Variants in SGCZ observed in about 807,000 individuals in gnomAD.
SGCZ encodes the protein zeta-sarcoglycan.
A neutral mutation model predicts 41.3 loss-of-function variants in SGCZ; 40 were observed. The ratio of observed to expected loss-of-function variants is 0.97; its 90% CI spans 0.75 to 1.26. SGCZ has a LOEUF of 1.26. Ranked by LOEUF, SGCZ falls within the 50% of genes most tolerant of loss-of-function variation. The pLI is 0.00. For missense variants in SGCZ, 552 were observed against 369.8 expected (o/e 1.49, Z -4.04); for synonymous variants, 206 against 137.5 (o/e 1.50, Z -3.49).
At chr8:15,007,223 A>G (rs1236574660) in intron 1 of SGCZ, among the ~76,000 whole-genome samples, 2 of 152,194 alleles carry the variant, frequency 1.3e-5, no homozygotes, top group Admixed American at 6.5e-5. Flanking sequence ...GTAACCTCCA[A>G]TACAAAAGTA....
At chr8:14,597,518 G>T in intron 1 of SGCZ, among the ~76,000 whole-genome samples, 1 of 152,240 alleles carries the variant, frequency 6.6e-6, no homozygotes, top group Non-Finnish European at 1.5e-5. Flanking sequence ...GGCCAGGCTG[G>T]AGTGCAGTGG....
intron 1 of SGCZ, among the ~76,000 whole-genome samples, chr8:14,664,908 C>T (rs969906587): frequency 1.3e-5 from 2 of 152,252 alleles, no homozygotes; most frequent in Middle Eastern, 3.4e-3. Context: ...GGCTTTGAGA[C>T]CAGGTCACCT....
chr8:14,132,509 A>G (rs891022929), intron 5 of SGCZ, among the ~76,000 whole-genome samples: 3 of 151,996 alleles, frequency 2.0e-5, no homozygotes, highest in Non-Finnish European at 4.4e-5. Flanking sequence ...TCTAAACAAT[A>G]CGTTCTGTTT....
chr8:14,236,300 C>T (rs897918877), intron 4 of SGCZ, among the ~76,000 whole-genome samples: 1 of 152,108 alleles, frequency 6.6e-6, no homozygotes, highest in Non-Finnish European at 1.5e-5. Context: ...CTAATTATCA[C>T]AAAATATTAT....
intron 5 of SGCZ, among the ~76,000 whole-genome samples, chr8:14,143,421 A>T (rs1007293557): frequency 6.6e-6 from 1 of 152,250 alleles, no homozygotes; most frequent in African/African-American, 2.4e-5. Context: ...AGAAAATCCC[A>T]AGGAATGTGA....
chr8:14,135,751 A>G (rs564456470), intron 5 of SGCZ, among the ~76,000 whole-genome samples: 15 of 152,320 alleles, frequency 9.8e-5, no homozygotes, highest in Admixed American at 2.6e-4. Context: ...CCAATTTTAC[A>G]TATCTTCCAA....
intron 1 of SGCZ, among the ~76,000 whole-genome samples, chr8:15,156,434 C>G (rs958686943): frequency 1.3e-5 from 2 of 152,180 alleles, no homozygotes; most frequent in African/African-American, 4.8e-5. Flanking sequence ...CTCATTTTAT[C>G]AGCATGGTGA....
At chr8:14,317,509 A>T (rs1216100228) in intron 3 of SGCZ, among the ~76,000 whole-genome samples, 1 of 151,868 alleles carries the variant, frequency 6.6e-6, no homozygotes, top group Non-Finnish European at 1.5e-5. Flanking sequence ...ACACCCAAAC[A>T]CCCCAAATAA....
chr8:14,598,629 A>C (rs879708336), intron 1 of SGCZ, among the ~76,000 whole-genome samples: 7 of 151,952 alleles, frequency 4.6e-5, no homozygotes, highest in Non-Finnish European at 8.8e-5. Flanking sequence ...CCCGGGCTCA[A>C]GTGATTTCCC....
chr8:14,285,073 TGATTTTTGCCTTTA>T (rs1800577693), intron 3 of SGCZ, among the ~76,000 whole-genome samples: 1 of 152,184 alleles, frequency 6.6e-6, no homozygotes, highest in African/African-American at 2.4e-5. Flanking sequence ...TTTTAAGGGT[TGATTTTTGCCTTTA>T]ATAAGGCTAA....
At chr8:14,567,798 C>T (rs951615754) in intron 1 of SGCZ, among the ~76,000 whole-genome samples, 1 of 152,118 alleles carries the variant, frequency 6.6e-6, no homozygotes, top group Non-Finnish European at 1.5e-5. Context: ...GGAATGAACA[C>T]CTCCAGACGC....
At chr8:14,573,541 C>T (rs1804623178) in intron 1 of SGCZ, among the ~76,000 whole-genome samples, 1 of 152,124 alleles carries the variant, frequency 6.6e-6, no homozygotes. Flanking sequence ...TACCTTTCTC[C>T]TCAACGAAAG....
At chr8:14,106,532 T>C (rs1028195190) in intron 6 of SGCZ, among the ~76,000 whole-genome samples, 10 of 152,206 alleles carry the variant, frequency 6.6e-5, no homozygotes, top group African/African-American at 2.4e-4. Context: ...CTGAGTTGTT[T>C]AGGAAATTTT....
At chr8:14,334,467 G>A (rs573861400) in intron 2 of SGCZ, among the ~76,000 whole-genome samples, 103 of 151,950 alleles carry the variant, frequency 6.8e-4, no homozygotes, top group Non-Finnish European at 1.3e-3. Context: ...ACTCTTAGTC[G>A]GGGCAGGTAC....
At chr8:15,034,815 G>C (rs1585495960) in intron 1 of SGCZ, among the ~76,000 whole-genome samples, 1 of 152,084 alleles carries the variant, frequency 6.6e-6, no homozygotes, top group Non-Finnish European at 1.5e-5. Flanking sequence ...TATATTTAAA[G>C]CTAAAGGACA....
At chr8:15,026,831 T>C (rs560479997) in intron 1 of SGCZ, among the ~76,000 whole-genome samples, 1 of 152,322 alleles carries the variant, frequency 6.6e-6, no homozygotes, top group Non-Finnish European at 1.5e-5. Flanking sequence ...TAGATTTCTT[T>C]TATCGTTCTA....
chr8:14,337,933 G>A (rs1459590509), intron 2 of SGCZ, among the ~76,000 whole-genome samples: 1 of 152,126 alleles, frequency 6.6e-6, no homozygotes, highest in African/African-American at 2.4e-5. Flanking sequence ...AGGTCAGAGG[G>A]ACAACCAGGG....
At chr8:14,623,496 C>G (rs994220719) in intron 1 of SGCZ, among the ~76,000 whole-genome samples, 2 of 152,018 alleles carry the variant, frequency 1.3e-5, no homozygotes, top group African/African-American at 2.4e-5. Context: ...ATTAATATAT[C>G]CCGTGAAAAG....
At chr8:14,266,206 C>T (rs725946) in intron 3 of SGCZ, among the ~76,000 whole-genome samples, 40,513 of 151,874 alleles carry the variant, frequency 0.27, 5,788 homozygotes, top group South Asian at 0.45. Flanking sequence ...TGGAAGATTA[C>T]CGATTCATAT....
Sources: allele counts gnomAD v4.1 joint callset (sites outside exome capture counted in the v4.1 genomes callset), GRCh38; gene constraint gnomAD v4.1.1; transcripts MANE v1.5; gene names NCBI Gene and HGNC (gene_info 2026-07-23, HGNC 2026-07-21).